The following MORC1 variants were observed in gnomAD, a reference collection of about 807,000 sequenced individuals.
MORC1 encodes MORC family CW-type zinc finger 1, also known as MORC family CW-type zinc finger protein 1.
MORC1 carries 59 observed loss-of-function variants against 134.9 expected under a neutral mutation model. That is an observed-to-expected ratio of 0.44 (90% CI 0.35 to 0.54). The LOEUF (loss-of-function observed/expected upper bound fraction) is 0.54. Ranked by LOEUF, MORC1 falls within the 20% of genes least tolerant of loss-of-function variation. MORC1 has a pLI of 0.00. For synonymous variants in MORC1, 395 were observed against 391.7 expected (o/e 1.01, Z -0.10); for missense variants, 947 against 1,134.5 (o/e 0.83, Z 2.37).
chr3:109,101,172 T>G (rs1216849291), intron 4 of MORC1, among the ~76,000 whole-genome samples: 1 of 152,204 alleles, frequency 6.6e-6, no homozygotes, highest in Non-Finnish European at 1.5e-5. Context: ...GATGTATTTG[T>G]GAAATCCTGA....
At chr3:109,095,595 G>A (rs1261594704) in intron 6 of MORC1, among the ~76,000 whole-genome samples, 1 of 152,186 alleles carries the variant, frequency 6.6e-6, no homozygotes, top group Non-Finnish European at 1.5e-5. Context: ...GGAAAGAGTA[G>A]AACAATGGAT....
intron 27 of MORC1, among the ~76,000 whole-genome samples, chr3:108,960,727 C>G (rs930816789): frequency 1.3e-5 from 2 of 152,042 alleles, no homozygotes; most frequent in East Asian, 3.9e-4. Flanking sequence ...CAGACAAGGG[C>G]AATTTTGTGA....
intron 16 of MORC1, among the ~76,000 whole-genome samples, chr3:109,031,138 C>T (rs1452882641): frequency 6.6e-6 from 1 of 152,166 alleles, no homozygotes; most frequent in East Asian, 1.9e-4. Flanking sequence ...CTGCAGACGA[C>T]AGCTTCCCAG....
chr3:108,980,671 T>C (rs1947692297), intron 23 of MORC1, among the ~76,000 whole-genome samples: 1 of 152,172 alleles, frequency 6.6e-6, no homozygotes, highest in African/African-American at 2.4e-5. Context: ...TGCGATGTGG[T>C]TACAATATTA....
At chr3:109,053,806 A>G (rs1239313997) in intron 14 of MORC1, among the ~76,000 whole-genome samples, 1 of 152,216 alleles carries the variant, frequency 6.6e-6, no homozygotes, top group Non-Finnish European at 1.5e-5. Context: ...AGTTTAATTA[A>G]TACACAGCAC....
At chr3:109,047,281 T>G (rs1404105982) in intron 14 of MORC1, among the ~76,000 whole-genome samples, 1 of 152,186 alleles carries the variant, frequency 6.6e-6, no homozygotes, top group East Asian at 1.9e-4. Flanking sequence ...GAGGTCTTCC[T>G]TTAGGTATGG....
Position 108,958,658 on chromosome 3 carries a change from C to G in MORC1, c.*307G>C, listed in dbSNP as rs1286228135. The G allele has an allele frequency of 6.2e-6, 1 of 160,992 alleles. No individual in the cohort carries two copies. Among genetic ancestry groups the G allele is most frequent in the African/African-American group, 2.4e-5 (1 of 41,844 alleles). The allele number at this position is 160,992 out of a possible 1,614,324, so 10.0% of individuals were successfully genotyped here. A position where few individuals can be genotyped will look rare whatever the true frequency, so the allele number is the denominator to read the frequency against. On this transcript the variant is annotated 3_prime_UTR_variant, in exon 28 of 28. Coordinates refer to ENST00000232603, the MANE Select transcript of MORC1 (RefSeq NM_014429.4). The stretch of plus-strand genomic sequence containing the variant: ...ACAATAACAATCTTTTAAGGAATAA[C>G]AAAAGTTAAGCTTGAGTGACATTTT...
At chr3:109,006,193 C>A (rs1310127817) in intron 18 of MORC1, among the ~76,000 whole-genome samples, 1 of 152,150 alleles carries the variant, frequency 6.6e-6, no homozygotes, top group East Asian at 1.9e-4. Context: ...CGGGTAGGTT[C>A]TAAGTCTGGT....
intron 1 of MORC1, among the ~76,000 whole-genome samples, chr3:109,115,058 G>A (rs2107811343): frequency 6.6e-6 from 1 of 152,320 alleles, no homozygotes; most frequent in Non-Finnish European, 1.5e-5. Context: ...ACAGTTTGGA[G>A]GGTGCACAGT....
chr3:108,961,572 C>A (rs932675607), intron 27 of MORC1, among the ~76,000 whole-genome samples: 1 of 152,142 alleles, frequency 6.6e-6, no homozygotes, highest in Non-Finnish European at 1.5e-5. Flanking sequence ...CTGTACTCTA[C>A]GGCAGTGGCT....
chr3:109,087,744 C>A (rs1239854517), intron 8 of MORC1, among the ~76,000 whole-genome samples: 1 of 151,876 alleles, frequency 6.6e-6, no homozygotes, highest in African/African-American at 2.4e-5. Flanking sequence ...TCATACAGAA[C>A]CAAAAAAAGA....
chr3:109,108,613 C>A (rs1183984171), intron 3 of MORC1, among the ~76,000 whole-genome samples: 2 of 152,070 alleles, frequency 1.3e-5, no homozygotes, highest in African/African-American at 2.4e-5. Flanking sequence ...AAGAAAAGAG[C>A]TCAGCCAGGC....
intron 8 of MORC1, among the ~76,000 whole-genome samples, chr3:109,082,022 C>G (rs1950529621): frequency 6.6e-6 from 1 of 152,014 alleles, no homozygotes; most frequent in Admixed American, 6.6e-5. Flanking sequence ...CTAGGTAACT[C>G]AGACAAATCA....
In MORC1 at chr3:108,998,176, T is replaced by C. The variant is rs143184938; in HGVS notation, c.2187+2381A>G. 1.8e-3 allele frequency among the ~76,000 whole-genome samples: 273 copies of C among 152,346 alleles called. 2 individuals are homozygous for C. Among genetic ancestry groups the C allele is most frequent in the African/African-American group, 5.8e-3 (241 of 41,588 alleles). ...TGTCAGATTATAATTGGCCAGCCCA[T>C]GCAGATGGGCATAACGGGACAGAAC... On this transcript the variant is annotated intron_variant, in intron 21 of 27. Transcript: ENST00000232603.
chr3:108,991,557 T>C (rs1425424560), intron 21 of MORC1, among the ~76,000 whole-genome samples: 1 of 152,202 alleles, frequency 6.6e-6, no homozygotes, highest in East Asian at 1.9e-4. Flanking sequence ...CTCAACTCTC[T>C]CTGGGTAGTT....
At chr3:109,043,468 G>T (rs186509367) in intron 14 of MORC1, among the ~76,000 whole-genome samples, 1 of 152,186 alleles carries the variant, frequency 6.6e-6, no homozygotes, top group Non-Finnish European at 1.5e-5. Flanking sequence ...AAGATGAAAA[G>T]AGTTTTAGAG....
At chr3:109,058,503 C>CCA (rs1950011717) in intron 12 of MORC1, among the ~76,000 whole-genome samples, 1 of 151,986 alleles carries the variant, frequency 6.6e-6, no homozygotes, top group Admixed American at 6.6e-5. Flanking sequence ...TTATAATTGA[C>CCA]ATAATATACT....
At chr3:109,033,746 A>C (rs1251113115) in intron 15 of MORC1, among the ~76,000 whole-genome samples, 1 of 152,136 alleles carries the variant, frequency 6.6e-6, no homozygotes, top group Non-Finnish European at 1.5e-5. Context: ...ATGAAATGAC[A>C]TCCTCCTCCT....
At chr3:109,100,704 C>A (rs1325738996) in intron 4 of MORC1, among the ~76,000 whole-genome samples, 197 bp from the exon 5 acceptor site, 1 of 152,166 alleles carries the variant, frequency 6.6e-6, no homozygotes, top group Non-Finnish European at 1.5e-5. Context: ...GCCCAAGGTA[C>A]GGCAGGCTCC....
Sources: gnomAD v4.1 joint callset for allele counts (sites outside exome capture counted in the v4.1 genomes callset) on GRCh38, gnomAD v4.1.1 for gene constraint, MANE v1.5 for transcripts, NCBI Gene and HGNC (gene_info 2026-07-23, HGNC 2026-07-21) for gene names.